Variants in FGFR2 observed in about 807,000 individuals in gnomAD.
FGFR2 encodes the protein fibroblast growth factor receptor 2.
FGFR2 carries 19 observed loss-of-function variants against 95.9 expected under a neutral mutation model. The ratio of observed to expected loss-of-function variants is 0.20; its 90% CI spans 0.14 to 0.29. FGFR2 has a LOEUF of 0.29. Among genes scored for constraint, FGFR2 ranks in the 10% least tolerant of loss-of-function variants. The probability of loss-of-function intolerance (pLI) is 1.00; values close to 1 mark genes in which losing one functional copy is unlikely to be tolerated. For synonymous variants in FGFR2, 392 were observed against 393.3 expected (o/e 1.00, Z 0.04); for missense variants, 707 against 1,056.9 (o/e 0.67, Z 4.59).
intron 1 of FGFR2, chr10:121,596,608 C>T (rs747152797): frequency 4.9e-6 from 1 of 204,256 alleles, no homozygotes; most frequent in Non-Finnish European, 1.0e-5. Flanking sequence ...CGGGAGCTGT[C>T]AAGGGGTCAA....
intron 4 of FGFR2, among the ~76,000 whole-genome samples, chr10:121,563,233 G>A (rs1386803501): frequency 6.6e-6 from 1 of 152,164 alleles, no homozygotes; most frequent in African/African-American, 2.4e-5. Context: ...AATTAGCCAG[G>A]TGTAGTGGCA....
intron 2 of FGFR2, among the ~76,000 whole-genome samples, chr10:121,566,283 C>A (rs1438349718): frequency 6.6e-6 from 1 of 152,166 alleles, no homozygotes; most frequent in East Asian, 1.9e-4. Context: ...CAGTACTTTG[C>A]CGGTTTAGAG....
At chr10:121,570,351 G>A (rs574931773) in intron 2 of FGFR2, among the ~76,000 whole-genome samples, 5 of 152,280 alleles carry the variant, frequency 3.3e-5, no homozygotes, top group African/African-American at 1.2e-4. Context: ...CAGGCTGCGC[G>A]GAGCCAGGAC....
intron 13 of FGFR2, 24 bp from the exon 14 acceptor site, chr10:121,488,137 G>T (rs373898697): frequency 1.5e-4 from 237 of 1,610,810 alleles, no homozygotes; most frequent in Non-Finnish European, 1.8e-4. Context: ...AGAAGCAAGA[G>T]AAATAACTAA....
At chr10:121,482,407 T>G (rs1369374955) in intron 17 of FGFR2, among the ~76,000 whole-genome samples, 1 of 152,198 alleles carries the variant, frequency 6.6e-6, no homozygotes, top group Non-Finnish European at 1.5e-5. Flanking sequence ...GAGCTAAGAC[T>G]TCATATCACT....
intron 13 of FGFR2, among the ~76,000 whole-genome samples, chr10:121,490,856 G>C (rs1432840475): frequency 6.6e-6 from 1 of 152,204 alleles, no homozygotes; most frequent in Non-Finnish European, 1.5e-5. Context: ...CTCCCGGGTA[G>C]CCTAAGCCCA....
At chr10:121,575,995 C>G (rs1360592570) in intron 2 of FGFR2, among the ~76,000 whole-genome samples, 1 of 151,854 alleles carries the variant, frequency 6.6e-6, no homozygotes, top group Non-Finnish European at 1.5e-5. Flanking sequence ...CAAGACCAGC[C>G]TGACCAACAT....
intron 9 of FGFR2, among the ~76,000 whole-genome samples, chr10:121,514,640 A>AC (rs935636425): frequency 6.6e-6 from 1 of 152,108 alleles, no homozygotes; most frequent in African/African-American, 2.4e-5. Context: ...GTTCAGATGC[A>AC]CCCCCAGGGC....
intron 17 of FGFR2, among the ~76,000 whole-genome samples, chr10:121,480,756 G>A (rs1844568316): frequency 6.6e-6 from 1 of 151,554 alleles, no homozygotes; most frequent in Non-Finnish European, 1.5e-5. Context: ...GAAGGTTCGA[G>A]ATTCAGAAAG....
chr10:121,519,898 A>G, intron 7 of FGFR2, 81 bp downstream of exon 7: 1 of 1,371,906 alleles, frequency 7.3e-7, no homozygotes, highest in Non-Finnish European at 1.0e-6. Flanking sequence ...TCTCAACTCC[A>G]ACAGGAAATC....
rs1589714917 is a variant in FGFR2, at chr10:121,485,649, C to G, written c.2058-117G>C. ...TCTGAAGTTCAAAGACAAATGGGCC[C>G]TCCTGCAGTTCCTCCTATGTGCTCT... On this transcript the variant is annotated intron_variant, in intron 15 of 17. Coordinates refer to ENST00000358487, the MANE Select transcript of FGFR2 (RefSeq NM_000141.5). This position sits in a 1 kb window ranked among gnomAD's most constrained non-coding sequence, Gnocchi z 4.2. 3 of 1,346,622 alleles carry G rather than the reference C, an allele frequency of 2.2e-6. No individual in the cohort carries two copies. The East Asian group carries it at 7.1e-5, about 32-fold the overall frequency. 83.4% of individuals were successfully genotyped at this position (1,346,622 alleles called of 1,614,324 possible).
Position 121,479,224 on chromosome 10 carries a change from TG to T in FGFR2, c.*632del. 1 of 234,320 alleles carries T rather than the reference TG, an allele frequency of 4.3e-6. No homozygotes were observed. The highest frequency in any genetic ancestry group is 2.2e-5 in the African/African-American group (1 of 45,486). 14.5% of individuals were successfully genotyped at this position (234,320 alleles called of 1,614,324 possible). A position where few individuals can be genotyped will look rare whatever the true frequency, so the allele number is the denominator to read the frequency against. On this transcript the variant is annotated 3_prime_UTR_variant, in exon 18 of 18. Transcript: ENST00000358487. ...AAAAACTATAAATGATTAATTGTTTTGTATATTACCAATTTATTAATAAATT... is the reference window on the plus strand; with the variant it reads ...AAAAACTATAAATGATTAATTGTTTTTATATTACCAATTTATTAATAAATT...
At chr10:121,554,207 AC>A (rs1293276976) in intron 4 of FGFR2, among the ~76,000 whole-genome samples, 2 of 151,894 alleles carry the variant, frequency 1.3e-5, no homozygotes, top group Non-Finnish European at 2.9e-5. Flanking sequence ...ACAACCCTCC[AC>A]CCAGGCTCCC....
Position 121,598,147 on chromosome 10 carries a change from A to T in FGFR2, c.-336T>A. The T allele has an allele frequency of 2.5e-6, 1 of 398,264 alleles. No homozygotes were observed. Among genetic ancestry groups the T allele is most frequent in the Non-Finnish European group, 4.4e-6 (1 of 225,844 alleles). The allele number at this position is 398,264 out of a possible 1,614,324, so 24.7% of individuals were successfully genotyped here. ...CCCCAGGCTGCGGAGGAGCGCGGGC[A>T]TGACGCCCGCGGGCTGCCCTCGGAT... On this transcript the variant is annotated 5_prime_UTR_variant, in exon 1 of 18. An upstream start codon of the reference 5' UTR is lost. Coordinates refer to ENST00000358487, the MANE Select transcript of FGFR2 (RefSeq NM_000141.5).
chr10:121,548,448 T>C (rs1028567975), intron 5 of FGFR2, among the ~76,000 whole-genome samples: 4 of 151,968 alleles, frequency 2.6e-5, no homozygotes, highest in East Asian at 1.9e-4. Flanking sequence ...TTTTAGAACA[T>C]AGGTGCTCTT....
chr10:121,587,245 A>G (rs964653618), intron 2 of FGFR2, among the ~76,000 whole-genome samples: 16 of 152,164 alleles, frequency 1.1e-4, no homozygotes, highest in South Asian at 2.1e-4. Context: ...TACCATATAC[A>G]AAAAATCACC....
intron 5 of FGFR2, 24 bp from the exon 6 acceptor site, chr10:121,538,739 GT>G: frequency 4.3e-6 from 7 of 1,614,150 alleles, no homozygotes; most frequent in Non-Finnish European, 5.9e-6. Flanking sequence ...AGCAAAGGCG[GT>G]TATTTAACAA....
In FGFR2 at chr10:121,485,545, G is replaced by A. The variant is rs766325481; in HGVS notation, c.2058-13C>T. 1 of 1,614,064 alleles carries A rather than the reference G, an allele frequency of 6.2e-7. No homozygotes were observed. On this transcript the variant is annotated splice_polypyrimidine_tract_variant and intron_variant, in intron 15 of 17. Transcript: ENST00000358487. This position sits in a 1 kb window ranked among gnomAD's most constrained non-coding sequence, Gnocchi z 4.2. ...CCCGAAGGACCAGCTGCAACAAAAG[G>A]AGAAAGCACGGCATTACTAACCCAT...
chr10:121,521,804 C>T (rs975071859), intron 6 of FGFR2, among the ~76,000 whole-genome samples: 1 of 152,202 alleles, frequency 6.6e-6, no homozygotes, highest in African/African-American at 2.4e-5. Context: ...CCTGCAATCC[C>T]ACTTCTCTAT....
Sources: allele counts gnomAD v4.1 joint callset (sites outside exome capture counted in the v4.1 genomes callset), GRCh38; gene constraint gnomAD v4.1.1; non-coding constraint Gnocchi (gnomAD v3.1); transcripts MANE v1.5; gene names NCBI Gene and HGNC (gene_info 2026-07-23, HGNC 2026-07-21).